MYOM1: variants seen among roughly 807,000 people sequenced by gnomAD.
MYOM1 encodes the protein myomesin-1.
MYOM1 carries 164 observed loss-of-function variants against 205.3 expected under a neutral mutation model. The observed-to-expected ratio is 0.80, with a 90% CI of 0.70 to 0.91. The LOEUF (loss-of-function observed/expected upper bound fraction) is 0.91, where lower values mean the gene tolerates loss of function less well. MYOM1 is among the 40% of genes least tolerant of loss of function. The probability of loss-of-function intolerance (pLI) is 0.00; values close to 1 mark genes in which losing one functional copy is unlikely to be tolerated. For missense variants in MYOM1, 2,011 were observed against 2,127.3 expected (o/e 0.95, Z 1.08); for synonymous variants, 772 against 789.4 (o/e 0.98, Z 0.37).
intron 9 of MYOM1, among the ~76,000 whole-genome samples, chr18:3,166,126 T>C (rs1383514054): frequency 6.6e-6 from 1 of 152,184 alleles, no homozygotes; most frequent in East Asian, 1.9e-4. Context: ...AAAGTGATTA[T>C]GAACTTCAAG....
At chr18:3,163,468 T>C (rs1446694394) in intron 10 of MYOM1, among the ~76,000 whole-genome samples, 1 of 152,192 alleles carries the variant, frequency 6.6e-6, no homozygotes, top group African/African-American at 2.4e-5. Flanking sequence ...TTGTTTTTCT[T>C]TTGAGACAGG....
At position 3,075,595 on chromosome 18, in the gene MYOM1, T is replaced by C. The variant is rs560309996; in HGVS notation, c.4686-119A>G. The C allele has an allele frequency of 1.1e-4, 157 of 1,401,214 alleles. No homozygotes were observed. In the South Asian group the frequency reaches 1.4e-3, roughly 13 times the overall value. The allele number at this position is 1,401,214 out of a possible 1,614,324, so 86.8% of individuals were successfully genotyped here. A position where few individuals can be genotyped will look rare whatever the true frequency, so the allele number is the denominator to read the frequency against. ...GACATTTTGCTGTTCAATATAACAA[T>C]GGGAAGTGCTGCTTCTACTGTACTT... is the stretch of plus-strand genomic sequence containing the variant. On this transcript the variant is annotated intron_variant, in intron 35 of 37. Coordinates refer to ENST00000356443, the MANE Select transcript of MYOM1 (RefSeq NM_003803.4).
chr18:3,087,815 T>A (rs2015912), intron 29 of MYOM1, among the ~76,000 whole-genome samples: 125,214 of 152,042 alleles, frequency 0.82, 53,442 homozygotes, highest in Non-Finnish European at 0.93. Flanking sequence ...TTATTTATTT[T>A]TTTTTTTGAG....
chr18:3,123,993 C>T (rs949436144), intron 19 of MYOM1, among the ~76,000 whole-genome samples: 2 of 151,266 alleles, frequency 1.3e-5, no homozygotes, highest in Middle Eastern at 3.2e-3. Context: ...AGAGCCACCA[C>T]TCCTGGCTAA....
intron 11 of MYOM1, 83 bp downstream of exon 11, chr18:3,154,864 A>G (rs2080271616): frequency 1.4e-6 from 2 of 1,456,796 alleles, no homozygotes; most frequent in African/African-American, 1.4e-5. Flanking sequence ...AAAAGAAAAT[A>G]TTTCCACTAG....
intron 37 of MYOM1, among the ~76,000 whole-genome samples, chr18:3,070,736 T>TTGTGTGTG (rs57044157): frequency 0.018 from 2,646 of 146,164 alleles, 43 homozygotes; most frequent in Non-Finnish European, 0.03. Flanking sequence ...TGCATGTTCT[T>TTGTGTGTG]TGTGTGTGTG....
chr18:3,112,140 A>G (rs1182846181), intron 22 of MYOM1, among the ~76,000 whole-genome samples, 158 bp downstream of exon 22: 1 of 152,224 alleles, frequency 6.6e-6, no homozygotes, highest in African/African-American at 2.4e-5. Flanking sequence ...CTGTGATGGG[A>G]CCAATGACTG....
At chr18:3,215,914 GTTCA>G (rs1032950518) in intron 1 of MYOM1, among the ~76,000 whole-genome samples, 8 of 152,170 alleles carry the variant, frequency 5.3e-5, no homozygotes, top group Admixed American at 1.3e-4. Context: ...GTCATGTGGT[GTTCA>G]TTCAACAAAT....
intron 2 of MYOM1, among the ~76,000 whole-genome samples, chr18:3,203,554 G>A (rs1259087213): frequency 6.6e-6 from 1 of 151,742 alleles, no homozygotes; most frequent in African/African-American, 2.4e-5. Flanking sequence ...TTCCTATAAA[G>A]ACTCAAATTA....
At chr18:3,190,640 A>G (rs2080891583) in intron 3 of MYOM1, 1 of 152,242 alleles carries the variant, frequency 6.6e-6, no homozygotes. Flanking sequence ...TTTTTAGCTT[A>G]GTGTCCTCAC....
At position 3,087,059 on chromosome 18, in the gene MYOM1, A is replaced by G. The variant is rs538794193; in HGVS notation, c.4138-908T>C. 1.1e-4 allele frequency among the ~76,000 whole-genome samples: 16 copies of G among 152,322 alleles called. No homozygotes were observed. In the South Asian group the frequency reaches 2.9e-3, roughly 28 times the overall value. On this transcript the variant is annotated intron_variant, in intron 29 of 37. Transcript: ENST00000356443. The stretch of plus-strand genomic sequence containing the variant: ...CAACTGTAGTGAAACCACTACACAC[A>G]ATCATTCTTTATGACCCTGGAAACT...
At chr18:3,221,781 C>A (rs1293899072), upstream of MYOM1, among the ~76,000 whole-genome samples, 3 of 152,216 alleles carry the variant, frequency 2.0e-5, no homozygotes, top group Admixed American at 2.0e-4. Flanking sequence ...GAAATTCAAC[C>A]TGGAATTTCT....
rs936032243 is a variant in MYOM1 at position 3,112,240 on chromosome 18, C to T, written c.3418+58G>A. The T allele has an allele frequency of 2.8e-6, 4 of 1,443,772 alleles. No homozygotes were observed. In the East Asian group the frequency reaches 9.3e-5, roughly 33 times the overall value. 89.4% of individuals were successfully genotyped at this position (1,443,772 alleles called of 1,614,324 possible). On this transcript the variant is annotated intron_variant, in intron 22 of 37. Coordinates refer to ENST00000356443, the MANE Select transcript of MYOM1 (RefSeq NM_003803.4). ...TAGAGGAAAGCACAGAAAGGCCGAA[C>T]CTTAGTTCAGTATCTTACACAGATA... is the stretch of plus-strand genomic sequence containing the variant.
the MYOM1 span, among the ~76,000 whole-genome samples, chr18:3,240,602 G>A: frequency 6.6e-6 from 1 of 152,200 alleles, no homozygotes; most frequent in Non-Finnish European, 1.5e-5. Flanking sequence ...TATCAGGTAT[G>A]TCTTTATCAG....
the MYOM1 span, among the ~76,000 whole-genome samples, chr18:3,235,445 T>C: frequency 0.012 from 1,802 of 152,310 alleles, 37 homozygotes; most frequent in African/African-American, 0.041. Context: ...ACTAATCCCA[T>C]ACTTAAAATG....
At position 3,127,002 on chromosome 18, in the gene MYOM1, T is replaced by C. The variant is rs2079797052; in HGVS notation, c.2795-105A>G. On this transcript the variant is annotated intron_variant, in intron 18 of 37. Transcript: ENST00000356443. ...TATGAGGGCACTAGATCTTGCAGTATAAAACTAAAATTCGAGGCTGATGAA... is the reference window on the plus strand; with the variant it reads ...TATGAGGGCACTAGATCTTGCAGTACAAAACTAAAATTCGAGGCTGATGAA... 9.6e-6 allele frequency: 10 copies of C among 1,038,540 alleles called. No homozygotes were observed. In the South Asian group the frequency reaches 1.5e-4, roughly 16 times the overall value. 64.3% of individuals were successfully genotyped at this position (1,038,540 alleles called of 1,614,324 possible).
intron 18 of MYOM1, among the ~76,000 whole-genome samples, chr18:3,127,305 A>ATATATATATATTTTTTTTTT (rs56880961): frequency 2.1e-5 from 1 of 47,580 alleles, no homozygotes; most frequent in Non-Finnish European, 3.6e-5. Flanking sequence ...ATATATATAT[A>ATATATATATATTTTTTTTTT]TTTTTTTTTT....
Position 3,215,150 on chromosome 18 carries a change from G to A in MYOM1, c.74C>T (p.Thr25Ile). 3.7e-6 allele frequency: 6 copies of A among 1,613,810 alleles called. No individual in the cohort carries two copies. Among genetic ancestry groups the A allele is most frequent in the Non-Finnish European group, 5.1e-6 (6 of 1,179,850 alleles). Reference sequence around the variant, plus strand: ...CTTCTCCCGCTGGTAGTGACTCACGGTGCTGCGCACGTCCTTGTTGCGGTA... The same window carrying A: ...CTTCTCCCGCTGGTAGTGACTCACGATGCTGCGCACGTCCTTGTTGCGGTA... ...LSYRNKDVRS[T>I]VSHYQREKKR... The change falls in exon 2 of 38, where the codon ACC becomes ATC. Residue 25 changes from threonine to isoleucine, a missense_variant. Coordinates refer to ENST00000356443, the MANE Select transcript of MYOM1 (RefSeq NM_003803.4).
chr18:3,181,508 G>A (rs2080729370), intron 5 of MYOM1, among the ~76,000 whole-genome samples: 1 of 152,238 alleles, frequency 6.6e-6, no homozygotes, highest in Non-Finnish European at 1.5e-5. Flanking sequence ...GGTAGTAACT[G>A]CTAAATTTGA....
Sources: allele counts gnomAD v4.1 joint callset (sites outside exome capture counted in the v4.1 genomes callset), GRCh38; gene constraint gnomAD v4.1.1; transcripts MANE v1.5; gene names NCBI Gene and HGNC (gene_info 2026-07-23, HGNC 2026-07-21).